Variants in CDK13 observed in about 807,000 individuals in gnomAD.
CDK13 encodes cyclin-dependent kinase 13.
A neutral mutation model predicts 137.6 loss-of-function variants in CDK13; 40 were observed. That is an observed-to-expected ratio of 0.29 (90% CI 0.23 to 0.38). The LOEUF (loss-of-function observed/expected upper bound fraction) is 0.38, where lower values mean the gene tolerates loss of function less well. CDK13 is among the 10% of genes least tolerant of loss of function. CDK13 has a pLI of 1.00. For synonymous variants in CDK13, 869 were observed against 760.1 expected, an observed-to-expected ratio of 1.14 and a Z score of -2.36; for missense variants, 1,704 against 1,951.8, an observed-to-expected ratio of 0.87 and a Z score of 2.39.
intron 9 of CDK13, among the ~76,000 whole-genome samples, chr7:40,068,506 C>G (rs1584063915): frequency 6.6e-6 from 1 of 151,602 alleles, no homozygotes; most frequent in African/African-American, 2.4e-5. Context: ...CCAGCCTTGC[C>G]AACATGGTGA....
chr7:40,050,852 G>C (rs562665796), intron 7 of CDK13, among the ~76,000 whole-genome samples: 39 of 152,228 alleles, frequency 2.6e-4, no homozygotes, highest in South Asian at 6.2e-4. Context: ...CTTTCCTATG[G>C]AATGGAAAAC....
rs2116046976 is a variant in CDK13 at position 39,950,743 on chromosome 7, T to C, written c.102T>C (p.Pro34=). ...ERRKRRRFLS[P]QQPPLLLPLL... Reference sequence around the variant, plus strand: ...GCAAGCGGAGGCGATTCCTGTCCCCTCAGCAGCCGCCGCTGCTGTTGCCGC... The same window carrying C: ...GCAAGCGGAGGCGATTCCTGTCCCCCCAGCAGCCGCCGCTGCTGTTGCCGC... The change falls in exon 1 of 14, where the codon CCT becomes CCC. Residue 34 remains proline (P), a synonymous_variant. Transcript: ENST00000181839. The C allele has an allele frequency of 6.8e-7, 1 of 1,473,124 alleles. No homozygotes were observed. The highest frequency in any genetic ancestry group is 8.9e-7 in the Non-Finnish European group (1 of 1,120,032). 91.3% of individuals were successfully genotyped at this position (1,473,124 alleles called of 1,614,324 possible).
chr7:40,019,538 C>T (rs933097687), intron 5 of CDK13, among the ~76,000 whole-genome samples: 1 of 152,112 alleles, frequency 6.6e-6, no homozygotes, highest in Non-Finnish European at 1.5e-5. Flanking sequence ...TCATTCTTTT[C>T]TTTCAAGGCC....
chr7:39,995,076 CT>C (rs201757348), intron 2 of CDK13, among the ~76,000 whole-genome samples: 2,726 of 151,744 alleles, frequency 0.018, 43 homozygotes, highest in Non-Finnish European at 0.03. Context: ...TTATTTTTTT[CT>C]GTTGCTGGTG....
chr7:39,961,193 T>C (rs1428241948), intron 1 of CDK13, among the ~76,000 whole-genome samples: 1 of 151,988 alleles, frequency 6.6e-6, no homozygotes, highest in African/African-American at 2.4e-5. Flanking sequence ...ACCCCGTCTC[T>C]ACTAAAAATA....
At chr7:40,088,059 A>G (rs1786830312) in intron 11 of CDK13, 67 bp from the exon 12 acceptor site, 2 of 1,351,340 alleles carry the variant, frequency 1.5e-6, no homozygotes, top group African/African-American at 1.4e-5. Flanking sequence ...CTTTGTTGCT[A>G]TATAGTAACT....
chr7:40,028,538 G>C (rs1445769636), intron 5 of CDK13, among the ~76,000 whole-genome samples: 1 of 151,846 alleles, frequency 6.6e-6, no homozygotes, highest in Non-Finnish European at 1.5e-5. Context: ...TTTTACCAGG[G>C]TTTTTACAGA....
intron 9 of CDK13, among the ~76,000 whole-genome samples, chr7:40,068,128 C>G (rs559433674): frequency 1.4e-4 from 21 of 151,266 alleles, no homozygotes; most frequent in South Asian, 2.1e-4. Context: ...GATATTAATC[C>G]AAGAATTCTA....
At chr7:39,991,316 G>T (rs1784450403) in intron 2 of CDK13, among the ~76,000 whole-genome samples, 1 of 152,134 alleles carries the variant, frequency 6.6e-6, no homozygotes, top group Admixed American at 6.5e-5. Flanking sequence ...TTATTTACTT[G>T]TTACTCACTG....
At chr7:39,986,850 T>A (rs915903243) in intron 1 of CDK13, 3 of 152,186 alleles carry the variant, frequency 2.0e-5, no homozygotes, top group East Asian at 1.9e-4. Context: ...TGTAATTTTT[T>A]AATTTTTTTG....
At chr7:40,025,239 A>G (rs1160984910) in intron 5 of CDK13, among the ~76,000 whole-genome samples, 1 of 152,154 alleles carries the variant, frequency 6.6e-6, no homozygotes, top group African/African-American at 2.4e-5. Flanking sequence ...TTATAATACT[A>G]CAGTTACTTT....
intron 5 of CDK13, among the ~76,000 whole-genome samples, chr7:40,041,446 A>C (rs1785602889): frequency 1.3e-5 from 2 of 152,220 alleles, no homozygotes; most frequent in Admixed American, 1.3e-4. Context: ...TACTGTCTTC[A>C]AAATTCAGTA....
At chr7:40,089,721 A>AGC (rs1302558699) in intron 12 of CDK13, among the ~76,000 whole-genome samples, 4 of 126,754 alleles carry the variant, frequency 3.2e-5, no homozygotes, top group African/African-American at 1.5e-4. Context: ...AGAGAGAGAG[A>AGC]GAGTGTGTGT....
At chr7:40,022,530 A>C (rs1472256576) in intron 5 of CDK13, among the ~76,000 whole-genome samples, 3 of 152,174 alleles carry the variant, frequency 2.0e-5, no homozygotes, top group African/African-American at 7.2e-5. Flanking sequence ...ATATTTGTTG[A>C]GCACCAATTA....
At chr7:40,055,802 G>A (rs751733697) in intron 7 of CDK13, among the ~76,000 whole-genome samples, 5 of 151,898 alleles carry the variant, frequency 3.3e-5, no homozygotes, top group Admixed American at 2.0e-4. Context: ...GGCTGGTTCC[G>A]AACTCCTGGG....
intron 5 of CDK13, among the ~76,000 whole-genome samples, chr7:40,003,693 A>C (rs1323191822): frequency 6.6e-6 from 1 of 152,192 alleles, no homozygotes; most frequent in Non-Finnish European, 1.5e-5. Context: ...TTCCTCCAGC[A>C]TACCAGGGAC....
chr7:40,065,997 C>T (rs999227957), intron 9 of CDK13, among the ~76,000 whole-genome samples: 3 of 152,076 alleles, frequency 2.0e-5, no homozygotes, highest in Non-Finnish European at 4.4e-5. Context: ...CCAGCCTGAG[C>T]AATATAGTGA....
At chr7:39,961,316 C>T (rs1282872030) in intron 1 of CDK13, among the ~76,000 whole-genome samples, 2 of 152,088 alleles carry the variant, frequency 1.3e-5, no homozygotes, top group Admixed American at 6.5e-5. Context: ...GCCGAGATCT[C>T]GCCACGACAC....
rs1049274472 is a variant in CDK13, at chr7:40,084,827, A to G, written c.3030-3299A>G. The stretch of plus-strand genomic sequence containing the variant: ...TGAGGTAGATAGTATTGTTAATCCC[A>G]TTTTTAAAGACAAGGAAAATGAGGC... On this transcript the variant is annotated intron_variant, in intron 11 of 13. Coordinates refer to ENST00000181839, the MANE Select transcript of CDK13 (RefSeq NM_003718.5). Among the ~76,000 whole-genome samples the G allele has an allele frequency of 5.3e-5, 8 of 152,158 alleles. No individual in the cohort carries two copies. In the South Asian group the frequency reaches 1.5e-3, roughly 28 times the overall value.
Sources: gnomAD v4.1 joint callset for allele counts (sites outside exome capture counted in the v4.1 genomes callset) on GRCh38, gnomAD v4.1.1 for gene constraint, MANE v1.5 for transcripts, NCBI Gene and HGNC (gene_info 2026-07-23, HGNC 2026-07-21) for gene names.